The following SLIT3 variants were observed in gnomAD, a reference collection of about 807,000 sequenced individuals.
SLIT3 encodes the protein slit homolog 3 protein.
SLIT3 carries 68 observed loss-of-function variants against 184.0 expected under a neutral mutation model. The ratio of observed to expected loss-of-function variants is 0.37; its 90% CI spans 0.30 to 0.45. The LOEUF (loss-of-function observed/expected upper bound fraction) is 0.45. Among genes scored for constraint, SLIT3 ranks in the 20% least tolerant of loss-of-function variants. The pLI is 1.00. For missense variants in SLIT3, 1,707 were observed against 2,026.0 expected, an observed-to-expected ratio of 0.84 and a Z score of 3.02; for synonymous variants, 831 against 828.6, an observed-to-expected ratio of 1.00 and a Z score of -0.05.
chr5:168,772,551 C>T (rs1262209658), intron 14 of SLIT3: 3 of 544,636 alleles, frequency 5.5e-6, no homozygotes, highest in African/African-American at 1.9e-5. Flanking sequence ...GCAACCGTCT[C>T]CTCCTCCCCA....
chr5:169,154,284 C>T (rs1170272132), intron 4 of SLIT3, among the ~76,000 whole-genome samples: 3 of 152,188 alleles, frequency 2.0e-5, no homozygotes, highest in African/African-American at 7.2e-5. Flanking sequence ...TTTCAGAGCT[C>T]TGGGTAACAT....
chr5:168,998,640 G>A (rs1451945090), intron 4 of SLIT3, among the ~76,000 whole-genome samples: 3 of 152,046 alleles, frequency 2.0e-5, no homozygotes, highest in Admixed American at 6.6e-5. Flanking sequence ...AGAGGCAGAG[G>A]TTGCAGTGAG....
rs563650341 is a variant in SLIT3, at chr5:169,113,049, T to C, written c.413+80430A>G. Among the ~76,000 whole-genome samples the C allele has an allele frequency of 4.6e-5, 7 of 152,312 alleles. No homozygotes were observed. The East Asian group carries it at 7.7e-4, about 17-fold the overall frequency. ...AACCCTCTTTTAAAATTATTTTTCA[T>C]TGTGGTGAAGTGTACATAGCATCAA... On this transcript the variant is annotated intron_variant, in intron 4 of 35. Coordinates refer to ENST00000519560, the MANE Select transcript of SLIT3 (RefSeq NM_003062.4).
chr5:169,101,167 TA>T (rs2113230157), intron 4 of SLIT3, among the ~76,000 whole-genome samples: 1 of 152,376 alleles, frequency 6.6e-6, no homozygotes, highest in East Asian at 1.9e-4. Flanking sequence ...TGTCATCTTC[TA>T]AGAAGAAAGC....
rs576833729 is a variant in SLIT3, at chr5:168,758,698, G to C, written c.1685+2164C>G. Among the ~76,000 whole-genome samples the C allele has an allele frequency of 8.5e-5, 13 of 152,304 alleles. No individual in the cohort carries two copies. In the South Asian group the frequency reaches 1.2e-3, roughly 15 times the overall value. On this transcript the variant is annotated intron_variant, in intron 16 of 35. Coordinates refer to ENST00000519560, the MANE Select transcript of SLIT3 (RefSeq NM_003062.4). The stretch of plus-strand genomic sequence containing the variant: ...GTGGTGGCTGCAGGCAGGGACGGAG[G>C]GAGGAAAGCGATCTGAGTAGCACCA...
chr5:169,159,128 T>C (rs1007233036), intron 4 of SLIT3, among the ~76,000 whole-genome samples: 1 of 152,054 alleles, frequency 6.6e-6, no homozygotes, highest in African/African-American at 2.4e-5. Context: ...CTCATGCCTG[T>C]AATCCCAGCG....
chr5:169,110,662 T>C (rs1357963515), intron 4 of SLIT3, among the ~76,000 whole-genome samples: 1 of 152,186 alleles, frequency 6.6e-6, no homozygotes, highest in Non-Finnish European at 1.5e-5. Context: ...GAGGTAACAT[T>C]CACAGATATT....
At chr5:168,776,559 C>T (rs774079427) in intron 12 of SLIT3, among the ~76,000 whole-genome samples, 18 of 152,164 alleles carry the variant, frequency 1.2e-4, no homozygotes, top group Non-Finnish European at 2.4e-4. Context: ...AGGGAGCATG[C>T]TGGAAGCGGT....
In SLIT3 at chr5:168,669,772, A is replaced by T; in HGVS notation, c.4336+11T>A. On this transcript the variant is annotated intron_variant, in intron 35 of 35. Transcript: ENST00000519560. ...CCCACTTCCTCCCTCCCACAGGCAC[A>T]GTAGACCCACCTTGTTGGCAGTGCT... 7 of 1,611,938 alleles carry T rather than the reference A, an allele frequency of 4.3e-6. No individual in the cohort carries two copies. Among genetic ancestry groups the T allele is most frequent in the Non-Finnish European group, 5.9e-6 (7 of 1,179,086 alleles).
chr5:169,073,360 A>G (rs908695899), intron 4 of SLIT3, among the ~76,000 whole-genome samples: 2 of 152,038 alleles, frequency 1.3e-5, no homozygotes, highest in South Asian at 2.1e-4. Context: ...ACAAGGTTCA[A>G]TCTTACACAA....
At chr5:168,744,596 A>G (rs1179234291) in intron 20 of SLIT3, among the ~76,000 whole-genome samples, 1 of 152,116 alleles carries the variant, frequency 6.6e-6, no homozygotes, top group African/African-American at 2.4e-5. Context: ...TGAAGCCAAT[A>G]CTCATTTACC....
intron 4 of SLIT3, among the ~76,000 whole-genome samples, chr5:168,974,652 G>A (rs997530524): frequency 3.3e-5 from 5 of 152,190 alleles, no homozygotes; most frequent in African/African-American, 1.2e-4. Flanking sequence ...CATCTTGAGA[G>A]AAGAGGAGGG....
chr5:168,967,809 T>G (rs1022069092), intron 4 of SLIT3, among the ~76,000 whole-genome samples: 4 of 152,110 alleles, frequency 2.6e-5, no homozygotes, highest in Non-Finnish European at 5.9e-5. Flanking sequence ...CAATATCTGG[T>G]GTGGTCAGCC....
At position 168,663,756 on chromosome 5, in the gene SLIT3, A is replaced by G. The variant is rs895438662; in HGVS notation, c.*2698T>C. 6.6e-6 allele frequency: 1 copy of G among 152,234 alleles called. No individual in the cohort carries two copies. Among genetic ancestry groups the G allele is most frequent in the Admixed American group, 6.5e-5 (1 of 15,284 alleles). The allele number at this position is 152,234 out of a possible 1,614,324, so 9.4% of individuals were successfully genotyped here. On this transcript the variant is annotated 3_prime_UTR_variant, in exon 36 of 36. Coordinates refer to ENST00000519560, the MANE Select transcript of SLIT3 (RefSeq NM_003062.4). ...TAAAAGGCCACTCCCAGGAAAGTTC[A>G]ATTCCCTTTCTCACTCTGGCAAACT...
intron 1 of SLIT3, among the ~76,000 whole-genome samples, chr5:169,288,796 T>C (rs976588090): frequency 1.3e-5 from 2 of 152,164 alleles, no homozygotes; most frequent in Non-Finnish European, 2.9e-5. Flanking sequence ...TGGTATGAGG[T>C]TATATTTTAA....
intron 16 of SLIT3, among the ~76,000 whole-genome samples, chr5:168,760,271 C>T (rs555498199): frequency 1.3e-5 from 2 of 152,258 alleles, no homozygotes; most frequent in South Asian, 2.1e-4. Flanking sequence ...TAGGTCTGAG[C>T]TCCTGTGCAG....
intron 13 of SLIT3, 30 bp downstream of exon 13, chr5:168,774,205 A>G (rs1027505300): frequency 6.4e-7 from 1 of 1,569,004 alleles, no homozygotes; most frequent in Admixed American, 1.9e-5. Context: ...CTGCTTGGGC[A>G]CCCACTGGCA....
chr5:169,243,845 G>A (rs1765486354), intron 3 of SLIT3, among the ~76,000 whole-genome samples: 1 of 152,242 alleles, frequency 6.6e-6, no homozygotes, highest in African/African-American at 2.4e-5. Context: ...GGGCAACCAA[G>A]ATTCAGAGAG....
intron 3 of SLIT3, among the ~76,000 whole-genome samples, chr5:169,243,733 C>G (rs1765482546): frequency 6.6e-6 from 1 of 152,214 alleles, no homozygotes; most frequent in Non-Finnish European, 1.5e-5. Context: ...ATTTGGCAAC[C>G]AGACAGGTAA....
Sources: gnomAD v4.1 joint callset for allele counts (sites outside exome capture counted in the v4.1 genomes callset) on GRCh38, gnomAD v4.1.1 for gene constraint, MANE v1.5 for transcripts, NCBI Gene and HGNC (gene_info 2026-07-23, HGNC 2026-07-21) for gene names.